Variants in MORN1 observed in about 807,000 individuals in gnomAD.
The protein encoded by MORN1 is MORN repeat-containing protein 1.
MORN1 carries 67 observed loss-of-function variants against 61.9 expected under a neutral mutation model. The observed-to-expected ratio is 1.08, with a 90% confidence interval of 0.89 to 1.33. The LOEUF (loss-of-function observed/expected upper bound fraction) is 1.33. MORN1 is among the 40% of genes most tolerant of loss of function. MORN1 has a pLI of 0.00. For missense variants in MORN1, 752 were observed against 691.2 expected, an observed-to-expected ratio of 1.09 and a Z score of -0.99; for synonymous variants, 301 against 292.0, an observed-to-expected ratio of 1.03 and a Z score of -0.31.
chr1:2,322,032 A>G (rs1008347282), intron 13 of MORN1: 4 of 985,206 alleles, frequency 4.1e-6, no homozygotes, highest in Non-Finnish European at 4.8e-6. Context: ...AACCCTCTGA[A>G]GGCTGGTGTG....
chr1:2,384,970 C>T lies in MORN1; in HGVS notation c.537+8G>A, dbSNP rs1204735224. ...TCTGGGCAGCAGGTGCCGCGCGCCC[C>T]CGGGTACCTTGTAGGTGGAGCCGTC... On this transcript the variant is annotated splice_region_variant and intron_variant, in intron 6 of 13. Transcript: ENST00000378531. 1.3e-6 allele frequency: 2 copies of T among 1,560,350 alleles called. No individual in the cohort carries two copies.
rs1447134615 is a variant in MORN1, at chr1:2,372,141, A to G, written c.745+340T>C. 1 of 244,360 alleles carries G rather than the reference A, an allele frequency of 4.1e-6. No homozygotes were observed. Among genetic ancestry groups the G allele is most frequent in the African/African-American group, 2.2e-5 (1 of 44,456 alleles). 15.1% of individuals were successfully genotyped at this position (244,360 alleles called of 1,614,324 possible). ...TAGAATGGAAGACTGTTCCTCCTAA[A>G]AAGGAAGGACACTCTGACACACGTG... On this transcript the variant is annotated intron_variant, in intron 8 of 13. Transcript: ENST00000378531. The surrounding 1 kb of genome is among the most constrained non-coding windows in gnomAD (Gnocchi z 5.4).
chr1:2,349,301 G>T (rs1294670074), intron 10 of MORN1, among the ~76,000 whole-genome samples: 2 of 152,204 alleles, frequency 1.3e-5, no homozygotes, highest in Non-Finnish European at 2.9e-5. Flanking sequence ...CAAGGAGGCT[G>T]CTTAACCCCA....
At chr1:2,360,653 A>AGGGAGGACCCTGCAGCCCGC (rs1553216549) in intron 8 of MORN1, among the ~76,000 whole-genome samples, 1 of 152,190 alleles carries the variant, frequency 6.6e-6, no homozygotes, top group Non-Finnish European at 1.5e-5. Context: ...CCCTGAGTAG[A>AGGGAGGACCCTGCAGCCCGC]GGGAGGACCC....
chr1:2,363,821 T>TAC (rs1557883085), intron 8 of MORN1, among the ~76,000 whole-genome samples: 11 of 119,866 alleles, frequency 9.2e-5, no homozygotes, highest in Non-Finnish European at 2.0e-4. Flanking sequence ...AATATATATA[T>TAC]ATATAAAAAA....
At chr1:2,326,965 G>A (rs538539463) in intron 12 of MORN1, among the ~76,000 whole-genome samples, 2 of 152,318 alleles carry the variant, frequency 1.3e-5, no homozygotes, top group East Asian at 1.9e-4. Flanking sequence ...CCACAGACGC[G>A]CGCTGTGGAC....
chr1:2,322,089 C>T (rs1640893862), intron 13 of MORN1: 8 of 985,308 alleles, frequency 8.1e-6, no homozygotes, highest in African/African-American at 1.7e-5. Flanking sequence ...CCCACACCCG[C>T]GCTGGGGCTC....
rs569968983 is a variant in MORN1, at chr1:2,336,862, G to A, written c.1037-12C>T. 1.3e-6 allele frequency: 2 copies of A among 1,550,428 alleles called. No individual in the cohort carries two copies. Among genetic ancestry groups the A allele is most frequent in the South Asian group, 1.2e-5 (1 of 80,640 alleles). The stretch of plus-strand genomic sequence containing the variant: ...CGCATGTCCCCTGGCTGAGGAGACA[G>A]AATGAAGAAAGACCCTATGAGGGGC... On this transcript the variant is annotated splice_polypyrimidine_tract_variant and intron_variant, in intron 10 of 13. Transcript: ENST00000378531.
chr1:2,355,611 T>C (rs1641746434), intron 10 of MORN1: 1 of 798,572 alleles, frequency 1.3e-6, no homozygotes, highest in Non-Finnish European at 2.0e-6. Context: ...CCGCTGCCGC[T>C]TTCTCCCACT....
Position 2,336,509 on chromosome 1 carries a change from C to T in MORN1, c.1210G>A (p.Gly404Arg), listed in dbSNP as rs1345556435. The T allele has an allele frequency of 6.2e-7, 1 of 1,612,628 alleles. No homozygotes were observed. The highest frequency in any genetic ancestry group is 1.3e-5 in the African/African-American group (1 of 74,922). Residue 404 changes from glycine (G) to arginine (R), a missense_variant, in exon 12 of 14, where the codon GGG becomes AGG. By Grantham distance (125) the Gly-to-Arg change is moderately radical. Transcript: ENST00000378531. ...GRSRGGLHPR[G>R]TPPTAQEPPG... ...GGCTCCTGTGCCGTGGGTGGTGTCC[C>T]CCTGGGGTGCAGGCCGCCTCTGGAT...
rs1245070094 is a variant in MORN1, at chr1:2,369,226, C to T, written c.745+3255G>A. ...AAAATTAGCCGGGCATGGTGGCAGGCGCCTGTAGTCTCAGCTACTCAGGAG... is the reference window on the plus strand; with the variant it reads ...AAAATTAGCCGGGCATGGTGGCAGGTGCCTGTAGTCTCAGCTACTCAGGAG... On this transcript the variant is annotated intron_variant, in intron 8 of 13. Transcript: ENST00000378531. Among the ~76,000 whole-genome samples the T allele has an allele frequency of 7.3e-5, 11 of 150,156 alleles. No homozygotes were observed. In the East Asian group the frequency reaches 1.6e-3, roughly 22 times the overall value.
At chr1:2,365,368 T>C (rs1359323342) in intron 8 of MORN1, among the ~76,000 whole-genome samples, 1 of 140,542 alleles carries the variant, frequency 7.1e-6, no homozygotes, top group Non-Finnish European at 1.5e-5. Flanking sequence ...TGTCTGTTAT[T>C]GGTGTATAAG....
In MORN1 at chr1:2,321,530, C is replaced by A; in HGVS notation, c.1347G>T (p.Gly449=). The change falls in exon 14 of 14, where the codon GGG becomes GGT. Residue 449 remains glycine (G), a synonymous_variant. Transcript: ENST00000378531. ...GTTTGAAGGCCGGGGGCAGCCTGCG[C>A]CCCAGGAACGGCGGGGTGGTCACGT... ...IRDVTTPPFL[G]RRLPPAFKHL... 6.5e-7 allele frequency: 1 copy of A among 1,535,864 alleles called. No individual in the cohort carries two copies. The highest frequency in any genetic ancestry group is 8.8e-7 in the Non-Finnish European group (1 of 1,140,488).
At chr1:2,373,805 C>T (rs1041481014) in intron 7 of MORN1, among the ~76,000 whole-genome samples, 2 of 152,182 alleles carry the variant, frequency 1.3e-5, no homozygotes, top group African/African-American at 4.8e-5. Context: ...TACTGTCACC[C>T]GTCACCCCTG....
chr1:2,336,315 G>A (rs553359206), intron 12 of MORN1, among the ~76,000 whole-genome samples, 154 bp downstream of exon 12: 27 of 152,122 alleles, frequency 1.8e-4, no homozygotes, highest in Non-Finnish European at 3.5e-4. Context: ...CCTGGCTGGC[G>A]GGGGGGCTCT....
intron 8 of MORN1, among the ~76,000 whole-genome samples, chr1:2,365,047 C>T (rs940967500): frequency 7.9e-5 from 12 of 152,244 alleles, no homozygotes; most frequent in Middle Eastern, 3.4e-3. Context: ...GATGCAGGCT[C>T]TTTTTTGGTG....
chr1:2,340,699 T>C (rs950117939), intron 10 of MORN1, among the ~76,000 whole-genome samples: 2 of 152,296 alleles, frequency 1.3e-5, no homozygotes, highest in African/African-American at 4.8e-5. Context: ...ATTGTGAGCA[T>C]AGGCCACCAC....
intron 13 of MORN1, chr1:2,323,025 C>T: frequency 1.0e-6 from 1 of 985,478 alleles, no homozygotes; most frequent in Non-Finnish European, 1.2e-6. Context: ...CTCCTCACCC[C>T]CAGGGCTGTC....
rs185928733 is a variant in MORN1, at chr1:2,382,517, G to A, written c.537+2461C>T. 5.1e-3 allele frequency among the ~76,000 whole-genome samples: 784 copies of A among 152,310 alleles called. 7 individuals carry two copies. The highest frequency in any genetic ancestry group is 0.017 in the African/African-American group (710 of 41,580). The stretch of plus-strand genomic sequence containing the variant: ...CAGCTTTGCCCTAGCCCTGCAAGGC[G>A]AGGGAATCGTCATGGTGGCAGTGGG... On this transcript the variant is annotated intron_variant, in intron 6 of 13. Transcript: ENST00000378531.
Sources: gnomAD v4.1 joint callset for allele counts (sites outside exome capture counted in the v4.1 genomes callset) on GRCh38, gnomAD v4.1.1 for gene constraint, Gnocchi (gnomAD v3.1) non-coding constraint, MANE v1.5 for transcripts, NCBI Gene and HGNC (gene_info 2026-07-23, HGNC 2026-07-21) for gene names.